PTPRG: variants seen among roughly 807,000 people sequenced by gnomAD.
The protein encoded by PTPRG is receptor-type tyrosine-protein phosphatase gamma.
Under a neutral mutation model 165.3 loss-of-function variants are expected in PTPRG, and 102 were observed. The observed-to-expected ratio is 0.62, with a 90% CI of 0.53 to 0.73. The LOEUF is 0.73. PTPRG is among the 30% of genes least tolerant of loss of function. PTPRG has a pLI of 0.00. For missense variants in PTPRG, 1,866 were observed against 1,861.4 expected (o/e 1.00, Z -0.05); for synonymous variants, 675 against 669.5 (o/e 1.01, Z -0.13).
chr3:62,286,398 T>C (rs1342780023), intron 28 of PTPRG, among the ~76,000 whole-genome samples: 2 of 152,156 alleles, frequency 1.3e-5, no homozygotes, highest in Non-Finnish European at 1.5e-5. Flanking sequence ...GTCAGGGTTA[T>C]AACTCTGGAT....
chr3:62,228,063 C>T lies in PTPRG; in HGVS notation c.2289-3162C>T, dbSNP rs900063536. Reference sequence around the variant, plus strand: ...CCCCGCTATTCCCTGCCTGTTTGGCCCCTGTGGGTGGTTGATTTTGCATTC... The same window carrying T: ...CCCCGCTATTCCCTGCCTGTTTGGCTCCTGTGGGTGGTTGATTTTGCATTC... On this transcript the variant is annotated intron_variant, in intron 13 of 29. Transcript: ENST00000474889. The surrounding 1 kb of genome is among the most constrained non-coding windows in gnomAD (Gnocchi z 4.1). Among the ~76,000 whole-genome samples, 3 of 151,892 alleles carry T rather than the reference C, an allele frequency of 2.0e-5. No homozygotes were observed. The highest frequency in any genetic ancestry group is 6.6e-5 in the Admixed American group (1 of 15,230).
chr3:61,610,819 T>C (rs28455796), intron 1 of PTPRG, among the ~76,000 whole-genome samples: 4 of 130,572 alleles, frequency 3.1e-5, no homozygotes, highest in African/African-American at 8.7e-5. Context: ...ATCTCTCTCT[T>C]TGTTTTTCTT....
chr3:61,584,329 A>G (rs929324442), intron 1 of PTPRG, among the ~76,000 whole-genome samples: 1 of 152,124 alleles, frequency 6.6e-6, no homozygotes, highest in African/African-American at 2.4e-5. Context: ...CTGGGCATGT[A>G]TTTTGTCCAC....
intron 1 of PTPRG, among the ~76,000 whole-genome samples, chr3:61,676,471 A>AAAAAAAAAAAAAAAAAAAAAAAAAGAAAG (rs369505317): frequency 2.0e-5 from 2 of 99,022 alleles, no homozygotes; most frequent in East Asian, 3.7e-4. Flanking sequence ...AAAAAAAAAA[A>AAAAAAAAAAAAAAAAAAAAAAAAAGAAAG]AAAGAAAATT....
At chr3:61,594,119 G>A (rs1694144277) in intron 1 of PTPRG, among the ~76,000 whole-genome samples, 1 of 152,150 alleles carries the variant, frequency 6.6e-6, no homozygotes, top group Admixed American at 6.5e-5. Context: ...GTTCTTAACA[G>A]AATAGCCTAC....
chr3:61,919,727 T>A (rs2039031748), intron 2 of PTPRG, among the ~76,000 whole-genome samples: 1 of 152,152 alleles, frequency 6.6e-6, no homozygotes, highest in East Asian at 1.9e-4. Flanking sequence ...TCTGATTGAT[T>A]TATCTGTGGA....
intron 1 of PTPRG, among the ~76,000 whole-genome samples, chr3:61,676,959 C>A (rs1703254465): frequency 6.6e-6 from 1 of 152,004 alleles, no homozygotes; most frequent in African/African-American, 2.4e-5. Context: ...ATCACTACCT[C>A]TTCTTAGCCA....
At chr3:61,585,040 G>A (rs1700398876) in intron 1 of PTPRG, among the ~76,000 whole-genome samples, 1 of 152,122 alleles carries the variant, frequency 6.6e-6, no homozygotes, top group African/African-American at 2.4e-5. Flanking sequence ...CAGCACTTTG[G>A]GAGGCTGAGG....
chr3:62,038,579 T>C (rs1394820049), intron 4 of PTPRG, among the ~76,000 whole-genome samples: 1 of 152,112 alleles, frequency 6.6e-6, no homozygotes. Flanking sequence ...TATATTTTTG[T>C]AGAGAGAGGG....
At chr3:61,732,758 A>AATCAATC (rs1559580083) in intron 1 of PTPRG, among the ~76,000 whole-genome samples, 1 of 131,398 alleles carries the variant, frequency 7.6e-6, no homozygotes, top group Non-Finnish European at 1.7e-5. Context: ...ATAAATAAAT[A>AATCAATC]AATCTTGCAT....
rs999524913 is a variant in PTPRG at position 62,054,787 on chromosome 3, T to G, written c.520-23376T>G. Among the ~76,000 whole-genome samples the G allele has an allele frequency of 1.8e-4, 27 of 152,360 alleles. 1 individual carries two copies. The South Asian group carries it at 4.6e-3, about 26-fold the overall frequency. On this transcript the variant is annotated intron_variant, in intron 4 of 29. Coordinates refer to ENST00000474889, the MANE Select transcript of PTPRG (RefSeq NM_002841.4). ...TTCATTTATGAAGCGTACGGGAGTA[T>G]GTGACAGGGAATTCAAAGATGTGGT...
chr3:62,140,879 G>C (rs930329135), intron 6 of PTPRG, among the ~76,000 whole-genome samples: 3 of 149,666 alleles, frequency 2.0e-5, no homozygotes, highest in Admixed American at 6.7e-5. Context: ...AAAAAAGAGT[G>C]GGGTGGAGGA....
intron 2 of PTPRG, among the ~76,000 whole-genome samples, chr3:61,970,522 T>C (rs968187636): frequency 1.3e-5 from 2 of 152,242 alleles, no homozygotes; most frequent in African/African-American, 2.4e-5. Context: ...TGTGTTTTGC[T>C]TTGAGATTTT....
At chr3:61,942,144 C>T (rs182349266) in intron 2 of PTPRG, among the ~76,000 whole-genome samples, 18 of 141,190 alleles carry the variant, frequency 1.3e-4, no homozygotes, top group Admixed American at 6.6e-4. Flanking sequence ...GGCAATAGGG[C>T]GAGACTCTGT....
chr3:62,115,988 T>G (rs143609972), intron 5 of PTPRG, among the ~76,000 whole-genome samples: 260 of 152,350 alleles, frequency 1.7e-3, no homozygotes, highest in African/African-American at 5.4e-3. Flanking sequence ...TTGGGGTGTT[T>G]ATTCGATAAG....
In PTPRG at chr3:61,885,678, T is replaced by C. The variant is rs1475155320; in HGVS notation, c.191-103947T>C. 3.6e-3 allele frequency among the ~76,000 whole-genome samples: 306 copies of C among 85,794 alleles called. 1 individual carries two copies. The highest frequency in any genetic ancestry group is 6.1e-3 in the Non-Finnish European group (236 of 38,464). The allele number at this position is 85,794 out of a possible 152,430, so 56.3% of individuals were successfully genotyped here. On this transcript the variant is annotated intron_variant, in intron 2 of 29. Coordinates refer to ENST00000474889, the MANE Select transcript of PTPRG (RefSeq NM_002841.4). ...CCTTCTCTCCTCTCCTCTCCTCTCCTCTCCTCTCCTCTCCTCTCCTCTCTC... is the reference window on the plus strand; with the variant it reads ...CCTTCTCTCCTCTCCTCTCCTCTCCCCTCCTCTCCTCTCCTCTCCTCTCTC...
intron 2 of PTPRG, among the ~76,000 whole-genome samples, chr3:61,776,059 C>G: frequency 6.8e-6 from 1 of 147,630 alleles, no homozygotes; most frequent in African/African-American, 2.5e-5. Context: ...CACATGTACC[C>G]TAAAACTTAA....
intron 4 of PTPRG, among the ~76,000 whole-genome samples, chr3:62,052,446 G>C (rs1279709498): frequency 1.3e-5 from 2 of 152,188 alleles, no homozygotes; most frequent in Non-Finnish European, 2.9e-5. Flanking sequence ...TGTAATCCCA[G>C]TGCTTTGGGA....
intron 6 of PTPRG, among the ~76,000 whole-genome samples, chr3:62,141,627 C>T (rs1284431117): frequency 1.3e-5 from 2 of 151,546 alleles, no homozygotes; most frequent in Non-Finnish European, 2.9e-5. Context: ...TGGCTGGCCG[C>T]AGTGGCTCAC....
Sources: gnomAD v4.1 joint callset for allele counts (sites outside exome capture counted in the v4.1 genomes callset) on GRCh38, gnomAD v4.1.1 for gene constraint, Gnocchi (gnomAD v3.1) non-coding constraint, MANE v1.5 for transcripts, NCBI Gene and HGNC (gene_info 2026-07-23, HGNC 2026-07-21) for gene names.